The following ARL13A variants were observed in gnomAD, a reference collection of about 807,000 sequenced individuals.
ARL13A encodes the protein ARF like GTPase 13A, also known as ADP-ribosylation factor-like protein 13A.
A neutral mutation model predicts 19.1 loss-of-function variants in ARL13A; 16 were observed. The ratio of observed to expected loss-of-function variants is 0.84; its 90% CI spans 0.57 to 1.27. The LOEUF is 1.27. ARL13A is among the 50% of genes most tolerant of loss of function. The probability of loss-of-function intolerance (pLI) is 0.00; values close to 1 mark genes in which losing one functional copy is unlikely to be tolerated. For synonymous variants in ARL13A, 69 were observed against 71.3 expected, an observed-to-expected ratio of 0.97 and a Z score of 0.17; for missense variants, 153 against 186.4, an observed-to-expected ratio of 0.82 and a Z score of 1.04.
rs113464880 is a variant in ARL13A at position 100,978,503 on chromosome X, T to C, written c.130+4306T>C. Among the ~76,000 whole-genome samples, 372 of 111,839 alleles carry C rather than the reference T, an allele frequency of 3.3e-3. 2 individuals carry two copies. Among genetic ancestry groups the C allele is most frequent in the African/African-American group, 0.012 (362 of 30,869 alleles). ...TTTTTGTCTTGAAATCTGTTTTGTCTGAAGTATAGCTACTCCCGCTCTTTT... is the reference window on the plus strand; with the variant it reads ...TTTTTGTCTTGAAATCTGTTTTGTCCGAAGTATAGCTACTCCCGCTCTTTT... On this transcript the variant is annotated intron_variant, in intron 3 of 7. Coordinates refer to ENST00000450049, the MANE Select transcript of ARL13A (RefSeq NM_001162491.2).
At chrX:100,970,708 A>G (rs1048470766) in intron 1 of ARL13A, among the ~76,000 whole-genome samples, 1 of 66,506 alleles carries the variant, frequency 1.5e-5, no homozygotes, top group Non-Finnish European at 2.7e-5. Flanking sequence ...ATTTGGTTGA[A>G]AAAAAAAAAG....
In ARL13A at chrX:100,987,389, G is replaced by C. The variant is rs367690906; in HGVS notation, c.487-1G>C. 2 of 1,207,398 alleles carry C rather than the reference G, an allele frequency of 1.7e-6. No homozygotes were observed. The highest frequency in any genetic ancestry group is 2.2e-6 in the Non-Finnish European group (2 of 894,677). Reference sequence around the variant, plus strand: ...CAGCCTTCTCTTCTCTTTTGTCACAGGAGCCATGTTCAGCCATCAGAAACC... The same window carrying C: ...CAGCCTTCTCTTCTCTTTTGTCACACGAGCCATGTTCAGCCATCAGAAACC... On this transcript the variant is annotated splice_acceptor_variant, in intron 5 of 7. Transcript: ENST00000450049. LOFTEE classifies it high-confidence loss of function.
intron 3 of ARL13A, among the ~76,000 whole-genome samples, chrX:100,978,022 C>T (rs2085795466): frequency 8.9e-6 from 1 of 112,079 alleles, no homozygotes; most frequent in Non-Finnish European, 1.9e-5. Context: ...GATACATACA[C>T]AGCAGGTGGA....
chrX:100,978,824 T>C (rs2085808244), intron 3 of ARL13A, among the ~76,000 whole-genome samples: 1 of 111,118 alleles, frequency 9.0e-6, no homozygotes, highest in African/African-American at 3.3e-5. Context: ...TGTTTTGATT[T>C]ATTGCTTTAT....
intron 1 of ARL13A, among the ~76,000 whole-genome samples, chrX:100,971,054 G>T (rs1461964982): frequency 2.7e-5 from 3 of 110,057 alleles, no homozygotes; most frequent in Non-Finnish European, 5.7e-5. Flanking sequence ...CAGCCAAAAA[G>T]TAGAAACAAT....
At chrX:100,987,221 AT>A (rs773555084) in intron 5 of ARL13A, among the ~76,000 whole-genome samples, 168 bp from the exon 6 acceptor site, 1 of 111,924 alleles carries the variant, frequency 8.9e-6, no homozygotes, top group South Asian at 3.8e-4. Flanking sequence ...TATGTCTGTC[AT>A]TTGCCTTCTC....
intron 1 of ARL13A, among the ~76,000 whole-genome samples, chrX:100,970,280 G>A (rs2085638744): frequency 8.9e-6 from 1 of 112,507 alleles, no homozygotes; most frequent in Non-Finnish European, 1.9e-5. Context: ...CATTCTCCAG[G>A]AGGTCCTTAT....
intron 1 of ARL13A, among the ~76,000 whole-genome samples, chrX:100,972,431 G>A (rs1488085421): frequency 1.1e-4 from 11 of 102,165 alleles, no homozygotes; most frequent in Non-Finnish European, 1.6e-4. Flanking sequence ...CAGTAGGGGC[G>A]GCTGGGCAGA....
At chrX:100,973,562 C>T in intron 1 of ARL13A, 114 bp from the exon 2 acceptor site, 1 of 944,982 alleles carries the variant, frequency 1.1e-6, no homozygotes, top group African/African-American at 1.9e-5. Flanking sequence ...TAATAGACTT[C>T]TAACAATCCC....
chrX:100,984,591 C>T (rs919284263), intron 3 of ARL13A, among the ~76,000 whole-genome samples: 2 of 112,434 alleles, frequency 1.8e-5, no homozygotes, highest in Non-Finnish European at 3.8e-5. Flanking sequence ...CAACTTCATA[C>T]CCTCATCTAC....
At position 100,976,539 on chromosome X, in the gene ARL13A, G is replaced by C. The variant is rs746888093; in HGVS notation, c.130+2342G>C. ...ACGCAGGACCATCAGAATCAACCTAGTAGGTTGCTCTGTGCCCAAAATTGA... is the reference window on the plus strand; with the variant it reads ...ACGCAGGACCATCAGAATCAACCTACTAGGTTGCTCTGTGCCCAAAATTGA... On this transcript the variant is annotated intron_variant, in intron 3 of 7. Transcript: ENST00000450049. 2.7e-5 allele frequency among the ~76,000 whole-genome samples: 3 copies of C among 111,832 alleles called. No homozygotes were observed. In the East Asian group the frequency reaches 8.4e-4, roughly 31 times the overall value.
intron 3 of ARL13A, among the ~76,000 whole-genome samples, chrX:100,985,085 C>G (rs750886415): frequency 2.9e-4 from 32 of 111,763 alleles, no homozygotes; most frequent in African/African-American, 9.1e-4. Flanking sequence ...TAAACAAGAT[C>G]AAAATTGACA....
chrX:100,976,478 TCA>T (rs1490141966), intron 3 of ARL13A, among the ~76,000 whole-genome samples: 4 of 111,774 alleles, frequency 3.6e-5, no homozygotes, highest in Non-Finnish European at 7.5e-5. Flanking sequence ...GGCACTGATA[TCA>T]CATTCTGAAG....
In ARL13A at chrX:100,987,457, G is replaced by A; in HGVS notation, c.554G>A (p.Trp185Ter). 8.3e-7 allele frequency: 1 copy of A among 1,211,091 alleles called. No individual in the cohort carries two copies. The highest frequency in any genetic ancestry group is 1.1e-6 in the Non-Finnish European group (1 of 895,193). ...CAGCCCATAGTTGAAGGACTGCGCT[G>A]GCTATTAGCTGTCATTGATACTTGC... is the stretch of plus-strand genomic sequence containing the variant. ...NHQPIVEGLR[W>*]LLAVIDTCQL... Residue 185 changes from tryptophan to a stop codon, truncating the protein, a stop_gained, in exon 6 of 8, where the codon TGG (tryptophan) becomes TAG (stop). Coordinates refer to ENST00000450049, the MANE Select transcript of ARL13A (RefSeq NM_001162491.2). LOFTEE classifies it high-confidence loss of function.
At chrX:100,986,980 A>C (rs1757177495) in intron 5 of ARL13A, 79 bp downstream of exon 5, 2 of 650,010 alleles carry the variant, frequency 3.1e-6, no homozygotes, top group Admixed American at 4.2e-5. Context: ...AGTCAGTCCC[A>C]TATGTTGGGT....
chrX:100,974,690 C>T (rs1482090314), intron 3 of ARL13A, among the ~76,000 whole-genome samples: 1 of 111,283 alleles, frequency 9.0e-6, no homozygotes, highest in Non-Finnish European at 1.9e-5. Flanking sequence ...TGAGAAATGT[C>T]GTCAGTTCCG....
chrX:100,985,969 A>G (rs866253387), intron 4 of ARL13A, 53 bp downstream of exon 4: 1 of 1,154,421 alleles, frequency 8.7e-7, no homozygotes, highest in Non-Finnish European at 1.2e-6. Context: ...TACCCTTAAA[A>G]GTATAGAAAT....
At chrX:100,987,853 T>C (rs1326351213) in intron 6 of ARL13A, among the ~76,000 whole-genome samples, 4 of 111,642 alleles carry the variant, frequency 3.6e-5, no homozygotes, top group Non-Finnish European at 5.6e-5. Context: ...TGATTTGCCA[T>C]GTGGAGGAGA....
At position 100,990,621 on chromosome X, in the gene ARL13A, A is replaced by G; in HGVS notation, c.*33A>G. On this transcript the variant is annotated 3_prime_UTR_variant, in exon 8 of 8. Transcript: ENST00000450049. ...AAGAAGAGTGAGATGGCATCCATTG[A>G]GAATGAAGACCACCTTGGTAAAAAA... 2.7e-6 allele frequency: 3 copies of G among 1,126,894 alleles called. No homozygotes were observed. The highest frequency in any genetic ancestry group is 3.6e-6 in the Non-Finnish European group (3 of 836,649). The allele number at this position is 1,126,894 out of a possible 1,213,427, so 92.9% of individuals were successfully genotyped here.
Sources: gnomAD v4.1 joint callset for allele counts (sites outside exome capture counted in the v4.1 genomes callset) on GRCh38, gnomAD v4.1.1 for gene constraint, MANE v1.5 for transcripts, NCBI Gene and HGNC (gene_info 2026-07-23, HGNC 2026-07-21) for gene names.